Variants in POLG observed in about 807,000 individuals in gnomAD.
The protein encoded by POLG is DNA polymerase gamma, catalytic subunit.
Under a neutral mutation model 155.4 loss-of-function variants are expected in POLG, and 110 were observed. That is an observed-to-expected ratio of 0.71 (90% CI 0.61 to 0.83). The LOEUF (loss-of-function observed/expected upper bound fraction) is 0.83, where lower values mean the gene tolerates loss of function less well. Among genes scored for constraint, POLG ranks in the 40% least tolerant of loss-of-function variants. POLG has a pLI of 0.00. For missense variants in POLG, 1,685 were observed against 1,627.5 expected (o/e 1.04, Z -0.61); for synonymous variants, 701 against 631.5 (o/e 1.11, Z -1.65).
chr15:89,333,737 C>G lies in POLG; in HGVS notation c.18G>C (p.Trp6Cys). 6.5e-7 allele frequency: 1 copy of G among 1,535,470 alleles called. No homozygotes were observed. Among genetic ancestry groups the G allele is most frequent in the Admixed American group, 2.0e-5 (1 of 51,006 alleles). MSRLL[W>C]RKVAGATVGP... ...CGACGGTGGCGCCGGCCACCTTCCTCCAGAGCAGGCGGCTCATGGTTGGTG... is the reference window on the plus strand; with the variant it reads ...CGACGGTGGCGCCGGCCACCTTCCTGCAGAGCAGGCGGCTCATGGTTGGTG... The change falls in exon 2 of 23, where the codon TGG becomes TGC. Residue 6 changes from tryptophan (W) to cysteine (C), a missense_variant. Physicochemically the swap from Trp to Cys is radical, Grantham distance 215. Transcript: ENST00000268124.
In POLG at chr15:89,325,535, A is replaced by C. The variant is rs1264016607; in HGVS notation, c.1864T>G (p.Tyr622Asp). ...LHYSERHGWGYLVPGRRDNLA... is the reference protein window; with the variant it reads ...LHYSERHGWGDLVPGRRDNLA... ...TTGTCCCGCCGCCCAGGCACCAAGTAGCCCCAGCCATGACGCTCTGAGTAG... is the reference window on the plus strand; with the variant it reads ...TTGTCCCGCCGCCCAGGCACCAAGTCGCCCCAGCCATGACGCTCTGAGTAG... Residue 622 changes from tyrosine to aspartate, a missense_variant, in exon 10 of 23, where the codon TAC (tyrosine) becomes GAC (aspartate). Physicochemically the swap from Tyr to Asp is radical, Grantham distance 160. Transcript: ENST00000268124. 6.2e-7 allele frequency: 1 copy of C among 1,612,942 alleles called. No homozygotes were observed. Among genetic ancestry groups the C allele is most frequent in the East Asian group, 2.2e-5 (1 of 44,886 alleles).
chr15:89,317,031 G>A, intron 22 of POLG: 1 of 602,692 alleles, frequency 1.7e-6, no homozygotes, highest in Non-Finnish European at 2.9e-6. Flanking sequence ...TAGAAAATAA[G>A]CTTTCTGATT....
At chr15:89,316,967 T>C in intron 22 of POLG, 140 bp from the exon 23 acceptor site, 2 of 705,236 alleles carry the variant, frequency 2.8e-6, no homozygotes, top group Non-Finnish European at 2.6e-6. Flanking sequence ...TAATGTTACA[T>C]GTTAGGAGGG....
intron 2 of POLG, among the ~76,000 whole-genome samples, chr15:89,331,613 C>A (rs1002598502): frequency 2.6e-5 from 4 of 152,220 alleles, no homozygotes; most frequent in African/African-American, 9.7e-5. Flanking sequence ...CTTACCAACA[C>A]CCTTTGGGAA....
At chr15:89,321,519 T>C (rs769246605) in intron 16 of POLG, among the ~76,000 whole-genome samples, 6 of 152,340 alleles carry the variant, frequency 3.9e-5, no homozygotes, top group Non-Finnish European at 8.8e-5. Context: ...GCTGTAGCTA[T>C]TACGCCTGTC....
At chr15:89,324,370 GT>G in intron 10 of POLG, 143 bp from the exon 11 acceptor site, 3 of 925,140 alleles carry the variant, frequency 3.2e-6, no homozygotes, top group African/African-American at 1.7e-5. Flanking sequence ...ACTTTCCCGG[GT>G]TTTAGACAGG....
Position 89,321,743 on chromosome 15 carries a change from T to C in POLG, c.2591A>G (p.Asn864Ser), listed in dbSNP as rs121918050. ...AVEPTWLTAS[N>S]ARPDRVGSEL... ...GGTACAGAGGTCACATACCCGGGCA[T>C]TGCTGGCGGTGAGCCATGTGGGCTC... Residue 864 changes from asparagine (N) to serine (S), a missense_variant, in exon 16 of 23, where the codon AAT (asparagine) becomes AGT (serine). Physicochemically the swap from Asn to Ser is conservative, Grantham distance 46. Around this residue, in one of 3 missense-constraint regions of POLG, gnomAD observed 1,210 missense variants for 1,167.1 expected, o/e 1.04. Transcript: ENST00000268124. 3 of 1,611,710 alleles carry C rather than the reference T, an allele frequency of 1.9e-6. No individual in the cohort carries two copies. The highest frequency in any genetic ancestry group is 1.3e-5 in the African/African-American group (1 of 74,856).
chr15:89,325,235 A>AGAGTGAGT (rs1333143940), intron 10 of POLG, among the ~76,000 whole-genome samples: 1 of 76,472 alleles, frequency 1.3e-5, no homozygotes, highest in African/African-American at 1.3e-4. Flanking sequence ...AGTGAGTGAG[A>AGAGTGAGT]GAGTGAGTGA....
At position 89,321,141 on chromosome 15, in the gene POLG, G is replaced by C; in HGVS notation, c.2718C>G (p.His906Gln). 6.2e-7 allele frequency: 1 copy of C among 1,614,252 alleles called. No homozygotes were observed. Among genetic ancestry groups the C allele is most frequent in the African/African-American group, 1.3e-5 (1 of 75,066 alleles). ...LWIAAVLGDA[H>Q]FAGMHGCTAF... ...CCTGCTCACCATGCATGCCGGCAAA[G>C]TGGGCGTCTCCAAGCACAGCTGCAA... The change falls in exon 17 of 23, where the codon CAC becomes CAG. Residue 906 changes from histidine to glutamine, a missense_variant. This residue lies in a region of POLG where 470 missense variants were observed against 439.9 expected (regional missense o/e 1.07). Coordinates refer to ENST00000268124, the MANE Select transcript of POLG (RefSeq NM_002693.3).
intron 2 of POLG, among the ~76,000 whole-genome samples, chr15:89,332,008 G>C (rs1055182268): frequency 6.6e-6 from 1 of 152,172 alleles, no homozygotes; most frequent in Non-Finnish European, 1.5e-5. Flanking sequence ...TAAAATGACC[G>C]ACAGATCAAA....
Position 89,333,528 on chromosome 15 carries a change from A to T in POLG, c.227T>A (p.Ile76Asn). The T allele has an allele frequency of 6.2e-7, 1 of 1,612,842 alleles. No homozygotes were observed. ...GTGCAGCCCTCTCGAGAGCATCTGG[A>T]TGTCCAATGGGTTGTGCCGCAGCTG... The part of the protein sequence containing the change: ...GGQLRHNPLD[I>N]QMLSRGLHEQ... The change falls in exon 2 of 23, where the codon ATC becomes AAC. Residue 76 changes from isoleucine to asparagine, a missense_variant. By Grantham distance (149) the Ile-to-Asn change is moderately radical. This residue lies in a region of POLG where 1,210 missense variants were observed against 1,167.1 expected (regional missense o/e 1.04). Coordinates refer to ENST00000268124, the MANE Select transcript of POLG (RefSeq NM_002693.3).
chr15:89,331,789 T>A (rs1364344045), intron 2 of POLG, among the ~76,000 whole-genome samples: 1 of 139,718 alleles, frequency 7.2e-6, no homozygotes, highest in African/African-American at 2.7e-5. Context: ...CACCCACCAG[T>A]CAGACTCCCA....
intron 11 of POLG, 80 bp downstream of exon 11, chr15:89,324,027 C>T: frequency 6.3e-7 from 1 of 1,593,752 alleles, no homozygotes; most frequent in Non-Finnish European, 8.6e-7. Context: ...TGCCAGCCTC[C>T]CACCCAAAGG....
At chr15:89,330,324 TCCACTCCACAACAA>T (rs2055578042) in intron 2 of POLG, 48 bp from the exon 3 acceptor site, 1 of 1,441,202 alleles carries the variant, frequency 6.9e-7, no homozygotes, top group African/African-American at 1.4e-5. Flanking sequence ...ACATTAAACT[TCCACTCCACAACAA>T]CCACTGCACA....
intron 6 of POLG, 109 bp downstream of exon 6, chr15:89,328,347 A>G (rs768766588): frequency 3.6e-6 from 3 of 831,158 alleles, no homozygotes; most frequent in Non-Finnish European, 6.1e-6. Flanking sequence ...TCAGCCTAGA[A>G]AAGCTAAGGT....
chr15:89,326,894 C>T lies in POLG; in HGVS notation c.1585+18G>A, dbSNP rs1371422250. The stretch of plus-strand genomic sequence containing the variant: ...AGACAACCCCTACCCTACCCTACCT[C>T]CCACCCATGCTCCCCACCTTCCTGA... On this transcript the variant is annotated intron_variant, in intron 8 of 22. Transcript: ENST00000268124. 1.5e-5 allele frequency: 24 copies of T among 1,613,700 alleles called. No homozygotes were observed. The highest frequency in any genetic ancestry group is 1.9e-5 in the Non-Finnish European group (23 of 1,179,872).
chr15:89,323,034 ATCACGCAC>A, intron 13 of POLG, 132 bp from the exon 14 acceptor site: 1 of 907,086 alleles, frequency 1.1e-6, no homozygotes, highest in Non-Finnish European at 1.7e-6. Flanking sequence ...CCCTGATTGT[ATCACGCAC>A]GCGCGCACGC....
chr15:89,328,369 GAT>G (rs1049398768), intron 6 of POLG, 85 bp downstream of exon 6: 1 of 1,043,924 alleles, frequency 9.6e-7, no homozygotes, highest in African/African-American at 1.6e-5. Flanking sequence ...CCCAACCTGA[GAT>G]AGAACCAGCG....
rs374740777 is a variant in POLG, at chr15:89,318,508, A to G, written c.3482+33T>C. 17 of 1,593,860 alleles carry G rather than the reference A, an allele frequency of 1.1e-5. No homozygotes were observed. In the African/African-American group the frequency reaches 1.2e-4, roughly 11 times the overall value. The stretch of plus-strand genomic sequence containing the variant: ...CACCCAAAGCCCCACATAGGAGCAC[A>G]TGGCCAGGCTAGAGGCCATGGGCCC... On this transcript the variant is annotated intron_variant, in intron 21 of 22. Coordinates refer to ENST00000268124, the MANE Select transcript of POLG (RefSeq NM_002693.3).
Sources: gnomAD v4.1 joint callset for allele counts (sites outside exome capture counted in the v4.1 genomes callset) on GRCh38, gnomAD v4.1.1 for gene constraint, gnomAD v4.1.1 regional missense constraint, MANE v1.5 for transcripts, NCBI Gene and HGNC (gene_info 2026-07-23, HGNC 2026-07-21) for gene names.